Variants in TACR3 observed in about 807,000 individuals in gnomAD.
TACR3 encodes the protein tachykinin receptor 3, also known as neuromedin-K receptor.
TACR3 carries 34 observed loss-of-function variants against 35.0 expected under a neutral mutation model. The observed-to-expected ratio is 0.97, with a 90% CI of 0.74 to 1.30. The LOEUF (loss-of-function observed/expected upper bound fraction) is 1.30. Among genes scored for constraint, TACR3 ranks in the 50% most tolerant of loss-of-function variants. The pLI is 0.00. For synonymous variants in TACR3, 233 were observed against 221.1 expected (o/e 1.05, Z -0.48); for missense variants, 558 against 591.7 (o/e 0.94, Z 0.59).
At chr4:103,629,452 C>CA (rs1724991681) in intron 3 of TACR3, among the ~76,000 whole-genome samples, 1 of 152,140 alleles carries the variant, frequency 6.6e-6, no homozygotes, top group African/African-American at 2.4e-5. Flanking sequence ...TCTCAGGATA[C>CA]AAAATCAATG....
intron 3 of TACR3, among the ~76,000 whole-genome samples, chr4:103,603,148 C>A (rs867341208): frequency 1.1e-4 from 17 of 152,328 alleles, no homozygotes; most frequent in Middle Eastern, 3.4e-3. Context: ...TCTCGGACTG[C>A]TGTGCTAGCA....
intron 1 of TACR3, among the ~76,000 whole-genome samples, chr4:103,658,957 G>A (rs1725784260): frequency 6.6e-6 from 1 of 152,136 alleles, no homozygotes. Flanking sequence ...GTCCCATCTG[G>A]GGTTGATGGG....
chr4:103,591,081 T>C (rs1723882785), intron 4 of TACR3: 1 of 246,274 alleles, frequency 4.1e-6, no homozygotes, highest in Admixed American at 5.1e-5. Context: ...CGCTCACATA[T>C]GCCATCATCT....
intron 3 of TACR3, among the ~76,000 whole-genome samples, chr4:103,644,608 CT>C (rs1560820143): frequency 6.6e-6 from 1 of 151,338 alleles, no homozygotes; most frequent in Non-Finnish European, 1.5e-5. Flanking sequence ...CAATATTTTT[CT>C]TTTTTGGGAA....
intron 3 of TACR3, among the ~76,000 whole-genome samples, chr4:103,594,181 C>CTT (rs35016258): frequency 9.3e-4 from 137 of 147,284 alleles, no homozygotes; most frequent in South Asian, 4.5e-3. Flanking sequence ...CAAAAATAAC[C>CTT]TTTTTTTTTT....
At chr4:103,646,633 C>T (rs1015395482) in intron 3 of TACR3, among the ~76,000 whole-genome samples, 13 of 151,812 alleles carry the variant, frequency 8.6e-5, no homozygotes, top group African/African-American at 2.9e-4. Context: ...GTGCCCCTCA[C>T]GCATATATTT....
intron 1 of TACR3, among the ~76,000 whole-genome samples, chr4:103,693,462 A>C (rs941191608): frequency 6.6e-6 from 1 of 152,148 alleles, no homozygotes; most frequent in Non-Finnish European, 1.5e-5. Context: ...GAAAATTAGA[A>C]TGCTCACTTC....
chr4:103,614,244 TTCTC>T (rs1476968615), intron 3 of TACR3, among the ~76,000 whole-genome samples: 1 of 152,184 alleles, frequency 6.6e-6, no homozygotes, highest in Non-Finnish European at 1.5e-5. Context: ...GTCTTTTTCT[TTCTC>T]TCTCTGGTAA....
chr4:103,606,886 C>A (rs1371000251), intron 3 of TACR3, among the ~76,000 whole-genome samples: 1 of 152,166 alleles, frequency 6.6e-6, no homozygotes, highest in Non-Finnish European at 1.5e-5. Flanking sequence ...GAGAGGGCAT[C>A]CCTGTCTTGT....
intron 1 of TACR3, among the ~76,000 whole-genome samples, chr4:103,711,951 C>G (rs1030872141): frequency 2.0e-5 from 3 of 152,108 alleles, no homozygotes; most frequent in Non-Finnish European, 2.9e-5. Flanking sequence ...TGTGAAGGAC[C>G]TCTTCAAGAA....
intron 3 of TACR3, among the ~76,000 whole-genome samples, chr4:103,611,334 C>A (rs1724506856): frequency 6.6e-6 from 1 of 152,092 alleles, no homozygotes; most frequent in African/African-American, 2.4e-5. Context: ...TAGAGATCTT[C>A]CATCTCCTCG....
intron 3 of TACR3, among the ~76,000 whole-genome samples, chr4:103,643,908 A>G (rs116719404): frequency 0.01 from 1,555 of 151,878 alleles, 6 homozygotes; most frequent in Non-Finnish European, 0.017. Context: ...TAACCCATAG[A>G]GAACCTTTTT....
At chr4:103,648,944 G>A (rs1725522764) in intron 3 of TACR3, among the ~76,000 whole-genome samples, 1 of 151,940 alleles carries the variant, frequency 6.6e-6, no homozygotes, top group African/African-American at 2.4e-5. Flanking sequence ...TCCTTGCCAG[G>A]ATTTGTGATT....
chr4:103,627,597 T>G (rs776015681), intron 3 of TACR3, among the ~76,000 whole-genome samples: 1 of 152,052 alleles, frequency 6.6e-6, no homozygotes, highest in Non-Finnish European at 1.5e-5. Context: ...GAGCTAACTA[T>G]CCTAAATATA....
intron 3 of TACR3, among the ~76,000 whole-genome samples, chr4:103,644,439 C>T (rs978890843): frequency 6.6e-6 from 1 of 151,774 alleles, no homozygotes; most frequent in Admixed American, 6.6e-5. Context: ...TTTCAGCATA[C>T]ACTGCTGGGT....
chr4:103,637,996 T>TA (rs1226761685), intron 3 of TACR3, among the ~76,000 whole-genome samples: 2 of 152,030 alleles, frequency 1.3e-5, no homozygotes, highest in Non-Finnish European at 2.9e-5. Flanking sequence ...ATCAATATCA[T>TA]AAAAAAGGCC....
intron 1 of TACR3, among the ~76,000 whole-genome samples, chr4:103,684,544 AT>A (rs1292607078): frequency 6.6e-6 from 1 of 152,196 alleles, no homozygotes; most frequent in Non-Finnish European, 1.5e-5. Flanking sequence ...TGATAAAAAA[AT>A]AAAGACCGAA....
At chr4:103,711,590 G>C (rs2110231230) in intron 1 of TACR3, among the ~76,000 whole-genome samples, 2 of 152,262 alleles carry the variant, frequency 1.3e-5, no homozygotes, top group South Asian at 2.1e-4. Flanking sequence ...GCACAAGACA[G>C]GGATGCCCTC....
chr4:103,713,907 T>C (rs981890764), intron 1 of TACR3, among the ~76,000 whole-genome samples: 3 of 152,154 alleles, frequency 2.0e-5, no homozygotes, highest in Admixed American at 6.5e-5. Flanking sequence ...AGTAGCCACC[T>C]GTGAGGAATA....
Sources: gnomAD v4.1 joint callset for allele counts (sites outside exome capture counted in the v4.1 genomes callset) on GRCh38, gnomAD v4.1.1 for gene constraint, MANE v1.5 for transcripts, NCBI Gene and HGNC (gene_info 2026-07-23, HGNC 2026-07-21) for gene names.